Variants in PCTP observed in about 807,000 individuals in gnomAD.
PCTP encodes the protein phosphatidylcholine transfer protein, also known as START domain-containing protein 2.
Under a neutral mutation model 31.0 loss-of-function variants are expected in PCTP, and 27 were observed. The ratio of observed to expected loss-of-function variants is 0.87; its 90% CI spans 0.64 to 1.20. The LOEUF is 1.20. Among genes scored for constraint, PCTP ranks in the 50% most tolerant of loss-of-function variants. PCTP has a pLI of 0.00. For synonymous variants in PCTP, 108 were observed against 101.2 expected (o/e 1.07, Z -0.40); for missense variants, 287 against 268.2 (o/e 1.07, Z -0.49).
intron 1 of PCTP, among the ~76,000 whole-genome samples, chr17:55,754,833 C>T (rs1056804937): frequency 6.6e-6 from 1 of 152,126 alleles, no homozygotes; most frequent in Non-Finnish European, 1.5e-5. Context: ...GGATAGAAAC[C>T]TGTGTGCGCG....
chr17:55,801,974 C>T (rs1296652945), intron 3 of PCTP, among the ~76,000 whole-genome samples: 1 of 151,912 alleles, frequency 6.6e-6, no homozygotes, highest in Non-Finnish European at 1.5e-5. Context: ...GCTAGCCAGA[C>T]TAATAAGGAA....
At chr17:55,849,799 A>C in the PCTP span, among the ~76,000 whole-genome samples, 1 of 152,296 alleles carries the variant, frequency 6.6e-6, no homozygotes, top group South Asian at 2.1e-4. Context: ...ATTTCTCATT[A>C]TCCTAGATTC....
chr17:55,773,441 C>G (rs62078567), intron 3 of PCTP, among the ~76,000 whole-genome samples: 10,664 of 152,222 alleles, frequency 0.07, 516 homozygotes, highest in Middle Eastern at 0.15. Context: ...TCTCCCAGTG[C>G]CTTCTTGGAG....
At chr17:55,817,450 GACCA>G (rs1912960979) in intron 3 of PCTP, among the ~76,000 whole-genome samples, 3 of 152,234 alleles carry the variant, frequency 2.0e-5, no homozygotes, top group Non-Finnish European at 4.4e-5. Context: ...CTGAAGAAAT[GACCA>G]TCTTGTGCTT....
intron 3 of PCTP, among the ~76,000 whole-genome samples, chr17:55,796,496 G>C (rs772432334): frequency 2.6e-5 from 4 of 152,020 alleles, no homozygotes; most frequent in Non-Finnish European, 5.9e-5. Context: ...TCAATCTAAA[G>C]AAATGATGCC....
intron 3 of PCTP, among the ~76,000 whole-genome samples, chr17:55,787,975 G>A (rs146527091): frequency 1.6e-3 from 238 of 152,150 alleles, no homozygotes; most frequent in African/African-American, 4.3e-3. Flanking sequence ...GAGTACAATG[G>A]GACTGTTACT....
exon 4 of PCTP, chr17:55,822,853 G>C (rs1300871425): frequency 8.2e-7 from 1 of 1,216,136 alleles, no homozygotes; most frequent in African/African-American, 1.6e-5. Flanking sequence ...TTGAGTGGAA[G>C]GAAGAGGAAG....
At chr17:55,768,085 C>CAAA (rs11424440) in intron 2 of PCTP, among the ~76,000 whole-genome samples, 2 of 140,196 alleles carry the variant, frequency 1.4e-5, no homozygotes, top group Non-Finnish European at 3.0e-5. Flanking sequence ...GACCCTGTCT[C>CAAA]AAAAAAAAAA....
intron 3 of PCTP, among the ~76,000 whole-genome samples, chr17:55,821,858 C>G (rs1210482326): frequency 6.6e-6 from 1 of 152,236 alleles, no homozygotes; most frequent in South Asian, 2.1e-4. Context: ...GTGACCAACA[C>G]GAAACAGTAG....
At chr17:55,816,350 T>C (rs1481363861) in intron 3 of PCTP, among the ~76,000 whole-genome samples, 1 of 152,228 alleles carries the variant, frequency 6.6e-6, no homozygotes, top group Admixed American at 6.5e-5. Context: ...ATATTCTGGA[T>C]ATTTCATACA....
intron 5 of PCTP, among the ~76,000 whole-genome samples, chr17:55,837,830 C>T (rs1201717052): frequency 2.6e-5 from 4 of 152,124 alleles, no homozygotes; most frequent in Non-Finnish European, 4.4e-5. Context: ...GATCTTTGCA[C>T]CAGAGTGTTC....
intron 5 of PCTP, among the ~76,000 whole-genome samples, chr17:55,830,524 T>C (rs1329760574): frequency 6.6e-6 from 1 of 152,140 alleles, no homozygotes; most frequent in African/African-American, 2.4e-5. Flanking sequence ...AAAATGAAAA[T>C]TGGTTGGTAA....
chr17:55,806,964 C>T (rs996034081), intron 3 of PCTP, among the ~76,000 whole-genome samples: 2 of 152,106 alleles, frequency 1.3e-5, no homozygotes, highest in African/African-American at 4.8e-5. Flanking sequence ...GCTAATGACT[C>T]AGACTGCATT....
intron 3 of PCTP, among the ~76,000 whole-genome samples, chr17:55,804,507 A>G (rs975116601): frequency 6.6e-6 from 1 of 152,226 alleles, no homozygotes; most frequent in Admixed American, 6.5e-5. Flanking sequence ...AATGTGACAC[A>G]TACACACCAT....
chr17:55,820,436 C>T (rs908962116), intron 3 of PCTP, among the ~76,000 whole-genome samples: 4 of 152,124 alleles, frequency 2.6e-5, no homozygotes, highest in Admixed American at 2.6e-4. Context: ...AAAATAGTGC[C>T]TTGTTATTAG....
the PCTP span, among the ~76,000 whole-genome samples, chr17:55,851,048 A>G: frequency 3.3e-5 from 5 of 152,352 alleles, no homozygotes; most frequent in East Asian, 1.9e-4. Context: ...ATGGAAACCA[A>G]TATCTTCTCA....
intron 1 of PCTP, among the ~76,000 whole-genome samples, chr17:55,762,824 T>C (rs1265098972): frequency 6.6e-6 from 1 of 151,266 alleles, no homozygotes; most frequent in East Asian, 1.9e-4. Flanking sequence ...AGGGAAGTTA[T>C]TGGCTGTTTA....
At chr17:55,823,701 T>C (rs1283907283), downstream of PCTP, among the ~76,000 whole-genome samples, 1 of 152,238 alleles carries the variant, frequency 6.6e-6, no homozygotes, top group Non-Finnish European at 1.5e-5. Flanking sequence ...TTCAGTGGAC[T>C]GTAGTCCAGG....
Position 55,776,664 on chromosome 17 carries a change from G to A in PCTP, c.*564G>A. 8.1e-7 allele frequency: 1 copy of A among 1,227,326 alleles called. No individual in the cohort carries two copies. The highest frequency in any genetic ancestry group is 1.0e-6 in the Non-Finnish European group (1 of 985,734). The allele number at this position is 1,227,326 out of a possible 1,614,324, so 76.0% of individuals were successfully genotyped here. A position where few individuals can be genotyped will look rare whatever the true frequency, so the allele number is the denominator to read the frequency against. On this transcript the variant is annotated 3_prime_UTR_variant, in exon 6 of 6. Coordinates refer to ENST00000268896, the MANE Select transcript of PCTP (RefSeq NM_021213.4). ...ATGCTTTGTGGAGCTGATTAGGCTG[G>A]GATTTGAGGTGATAATCCAGTAAGT...
Sources: gnomAD v4.1 joint callset for allele counts (sites outside exome capture counted in the v4.1 genomes callset) on GRCh38, gnomAD v4.1.1 for gene constraint, MANE v1.5 for transcripts, NCBI Gene and HGNC (gene_info 2026-07-23, HGNC 2026-07-21) for gene names.